Variants in WSB1 observed in about 807,000 individuals in gnomAD.
The protein encoded by WSB1 is WD repeat and SOCS box-containing protein 1.
Under a neutral mutation model 50.2 loss-of-function variants are expected in WSB1, and 23 were observed. The ratio of observed to expected loss-of-function variants is 0.46; its 90% CI spans 0.33 to 0.65. The LOEUF is 0.65. WSB1 is among the 30% of genes least tolerant of loss of function. The pLI is 0.02. For missense variants in WSB1, 492 were observed against 522.3 expected (o/e 0.94, Z 0.56); for synonymous variants, 179 against 172.0 (o/e 1.04, Z -0.32).
rs1386481524 is a variant in WSB1, at chr17:27,310,065, C to T, written c.889C>T (p.Leu297=). 1 of 1,613,942 alleles carries T rather than the reference C, an allele frequency of 6.2e-7. No homozygotes were observed. Among genetic ancestry groups the T allele is most frequent in the Non-Finnish European group, 8.5e-7 (1 of 1,179,882 alleles). The part of the protein sequence containing the change: ...NGDILMEFGH[L]FPPPTPIFAG... ...AAAACATATATTTGACCTCAGGCAC[C>T]TGTTTCCCCCACCTACTCCAATATT... is the stretch of plus-strand genomic sequence containing the variant. Residue 297 remains leucine, a synonymous_variant, in exon 7 of 9, where the codon CTG becomes TTG. Transcript: ENST00000262394.
At chr17:27,300,558 T>A (rs2017182161) in intron 1 of WSB1, among the ~76,000 whole-genome samples, 2 of 152,224 alleles carry the variant, frequency 1.3e-5, no homozygotes, top group South Asian at 4.1e-4. Flanking sequence ...AATCTGAATT[T>A]AAAATATATG....
At chr17:27,297,294 T>C (rs2017019247) in intron 1 of WSB1, 1 of 151,996 alleles carries the variant, frequency 6.6e-6, no homozygotes. Flanking sequence ...CCCTCCCGAG[T>C]AGCTGGGATT....
chr17:27,304,036 A>G (rs2017343016), intron 3 of WSB1, among the ~76,000 whole-genome samples: 1 of 152,248 alleles, frequency 6.6e-6, no homozygotes, highest in African/African-American at 2.4e-5. Flanking sequence ...GGAAAGGTTT[A>G]GTGAAAGTTT....
At chr17:27,304,535 CAAAAAAAAAAAAAAAAAAAAA>C (rs10660665) in intron 3 of WSB1, among the ~76,000 whole-genome samples, 1 of 38,696 alleles carries the variant, frequency 2.6e-5, no homozygotes, top group South Asian at 1.3e-3. Flanking sequence ...TCCATCTCTC[CAAAAAAAAAAAAAAAAAAAAA>C]AAAAAAAAGG....
intron 1 of WSB1, 40 bp downstream of exon 1, chr17:27,294,475 G>A (rs1360813782): frequency 6.2e-7 from 1 of 1,610,960 alleles, no homozygotes; most frequent in Non-Finnish European, 8.5e-7. Context: ...GAGGGCCGAG[G>A]AGAGGCAGGG....
rs878882322 is a variant in WSB1 at position 27,313,254 on chromosome 17, C to CT, written c.*900dup. On this transcript the variant is annotated 3_prime_UTR_variant, in exon 9 of 9. Transcript: ENST00000262394. ...CAGGATATAACTAGAAAAAGGATGT[C>CT]TTTTTTTTTTTTTTTACTCCCCCTC... 7.0e-3 allele frequency: 990 copies of CT among 140,758 alleles called. 3 individuals carry two copies. The highest frequency in any genetic ancestry group is 9.9e-3 in the African/African-American group (384 of 38,852). 8.7% of individuals were successfully genotyped at this position (140,758 alleles called of 1,614,324 possible).
intron 1 of WSB1, among the ~76,000 whole-genome samples, chr17:27,295,629 T>C (rs2016927948): frequency 6.6e-6 from 1 of 152,152 alleles, no homozygotes; most frequent in Non-Finnish European, 1.5e-5. Context: ...AGAATTTGTG[T>C]CCAGTTATTA....
At chr17:27,297,480 T>G (rs945539542) in intron 1 of WSB1, among the ~76,000 whole-genome samples, 17 of 152,028 alleles carry the variant, frequency 1.1e-4, no homozygotes, top group African/African-American at 3.9e-4. Flanking sequence ...ACTCTTTTTT[T>G]TTTTTTAGAC....
intron 3 of WSB1, among the ~76,000 whole-genome samples, chr17:27,304,535 CAAAAAAAAAAAA>C (rs10660665): frequency 1.1e-3 from 42 of 38,694 alleles, no homozygotes; most frequent in African/African-American, 2.2e-3. Context: ...TCCATCTCTC[CAAAAAAAAAAAA>C]AAAAAAAAAA....
rs2017247171 is a variant in WSB1 at position 27,301,903 on chromosome 17, A to T, written c.156A>T (p.Ser52=). The part of the protein sequence containing the change: ...FAPDGSYFAW[S]QGHRTVKLVP... ...CAGATGGTTCATACTTTGCTTGGTC[A>T]CAAGGACATCGCACAGTAAAGCTTG... Residue 52 remains serine, a synonymous_variant, in exon 2 of 9, where the codon TCA becomes TCT. Transcript: ENST00000262394. 1 of 1,613,178 alleles carries T rather than the reference A, an allele frequency of 6.2e-7. No homozygotes were observed. Among genetic ancestry groups the T allele is most frequent in the Non-Finnish European group, 8.5e-7 (1 of 1,179,624 alleles).
chr17:27,304,492 A>C (rs1172785486), intron 3 of WSB1, among the ~76,000 whole-genome samples: 1 of 135,018 alleles, frequency 7.4e-6, no homozygotes, highest in Non-Finnish European at 1.6e-5. Context: ...TGAGCCCAGG[A>C]GTTTTAGACC....
intron 2 of WSB1, 154 bp from the exon 3 acceptor site, chr17:27,303,210 TATC>T (rs1003738963): frequency 1.3e-6 from 1 of 798,882 alleles, no homozygotes; most frequent in African/African-American, 1.8e-5. Context: ...GTAGTTCAAA[TATC>T]AACCTTTCCC....
In WSB1 at chr17:27,300,443, T is replaced by C. The variant is rs544606838; in HGVS notation, c.41-1345T>C. 1.8e-4 allele frequency among the ~76,000 whole-genome samples: 27 copies of C among 152,308 alleles called. No homozygotes were observed. The South Asian group carries it at 5.2e-3, about 29-fold the overall frequency. ...TTGTAGCTGAGTTTGCATGCATGCA[T>C]TGCAGTATGAGCTTGTTGATCATGC... On this transcript the variant is annotated intron_variant, in intron 1 of 8. Transcript: ENST00000262394.
intron 2 of WSB1, 91 bp from the exon 3 acceptor site, chr17:27,303,276 G>T: frequency 7.2e-7 from 1 of 1,383,848 alleles, no homozygotes; most frequent in Non-Finnish European, 9.8e-7. Context: ...TAATATTGAG[G>T]TTATTTTAAC....
rs545339384 is a variant in WSB1, at chr17:27,294,532, A to G, written c.40+97A>G. 8 of 1,539,556 alleles carry G rather than the reference A, an allele frequency of 5.2e-6. No individual in the cohort carries two copies. The African/African-American group carries it at 1.1e-4, about 21-fold the overall frequency. On this transcript the variant is annotated intron_variant, in intron 1 of 8. Coordinates refer to ENST00000262394, the MANE Select transcript of WSB1 (RefSeq NM_015626.10). Reference sequence around the variant, plus strand: ...AGGAAGCGACTCCAAGTCTGAGGGAAGAGCTCCAGTGCGCCAGGGCCAGCC... The same window carrying G: ...AGGAAGCGACTCCAAGTCTGAGGGAGGAGCTCCAGTGCGCCAGGGCCAGCC...
At chr17:27,308,482 A>C (rs1195296792) in intron 5 of WSB1, 1 of 984,892 alleles carries the variant, frequency 1.0e-6, no homozygotes, top group East Asian at 1.1e-4. Flanking sequence ...ATGTAATTGT[A>C]TTATTTTCAT....
Position 27,304,782 on chromosome 17 carries a change from A to G in WSB1, c.481A>G (p.Lys161Glu). 6.2e-7 allele frequency: 1 copy of G among 1,611,976 alleles called. No homozygotes were observed. Among genetic ancestry groups the G allele is most frequent in the Non-Finnish European group, 8.5e-7 (1 of 1,179,370 alleles). The part of the protein sequence containing the change: ...RIKIWDVYTG[K>E]LLLNLVDHTE... ...TTTCCCTTTTCTATCATATTTAGGA[A>G]AACTCCTCCTTAACTTGGTAGATCA... Residue 161 changes from lysine (K) to glutamate (E), a missense_variant and splice_region_variant, in exon 4 of 9, where the codon AAA (lysine) becomes GAA (glutamate). Coordinates refer to ENST00000262394, the MANE Select transcript of WSB1 (RefSeq NM_015626.10).
chr17:27,311,633 CTTTTTTTTTTTTTTT>C lies in WSB1; in HGVS notation c.1106+29_1106+43del. ...AGCTGCTGGGTAAATATATTTTTCT[CTTTTTTTTTTTTTTT>C]TTTTTTTTTTTGAGATGTAGTCTCC... On this transcript the variant is annotated intron_variant, in intron 8 of 8. Transcript: ENST00000262394. 2 of 490,704 alleles carry C rather than the reference CTTTTTTTTTTTTTTT, an allele frequency of 4.1e-6. No homozygotes were observed. The highest frequency in any genetic ancestry group is 5.6e-5 in the South Asian group (2 of 35,950). 30.4% of individuals were successfully genotyped at this position (490,704 alleles called of 1,614,324 possible). A position where few individuals can be genotyped will look rare whatever the true frequency, so the allele number is the denominator to read the frequency against.
chr17:27,309,991 A>C, intron 6 of WSB1, 70 bp from the exon 7 acceptor site: 1 of 1,207,690 alleles, frequency 8.3e-7, no homozygotes, highest in Non-Finnish European at 1.2e-6. Context: ...AGACAGATGT[A>C]CTTTGTACCT....
Sources: gnomAD v4.1 joint callset for allele counts (sites outside exome capture counted in the v4.1 genomes callset) on GRCh38, gnomAD v4.1.1 for gene constraint, MANE v1.5 for transcripts, NCBI Gene and HGNC (gene_info 2026-07-23, HGNC 2026-07-21) for gene names.